The following ZNF438 variants were observed in gnomAD, a reference collection of about 807,000 sequenced individuals.
ZNF438 encodes the protein zinc finger protein 438.
Under a neutral mutation model 38.0 loss-of-function variants are expected in ZNF438, and 25 were observed. The observed-to-expected ratio is 0.66, with a 90% CI of 0.48 to 0.92. The LOEUF (loss-of-function observed/expected upper bound fraction) is 0.92. Ranked by LOEUF, ZNF438 falls within the 40% of genes least tolerant of loss-of-function variation. The pLI is 0.00. For missense variants in ZNF438, 1,007 were observed against 999.6 expected, an observed-to-expected ratio of 1.01 and a Z score of -0.10; for synonymous variants, 372 against 364.1, an observed-to-expected ratio of 1.02 and a Z score of -0.25.
At chr10:30,943,607 G>C (rs2047050118) in intron 1 of ZNF438, among the ~76,000 whole-genome samples, 1 of 152,172 alleles carries the variant, frequency 6.6e-6, no homozygotes, top group African/African-American at 2.4e-5. Flanking sequence ...ACAGATTATA[G>C]TCACATAGTG....
At chr10:30,965,447 C>T (rs1236368528) in intron 1 of ZNF438, among the ~76,000 whole-genome samples, 1 of 152,128 alleles carries the variant, frequency 6.6e-6, no homozygotes, top group African/African-American at 2.4e-5. Flanking sequence ...GAAAATAAAT[C>T]GTTCTACAAA....
At chr10:30,890,413 C>T (rs1322719375) in intron 3 of ZNF438, among the ~76,000 whole-genome samples, 1 of 152,088 alleles carries the variant, frequency 6.6e-6, no homozygotes, top group Admixed American at 6.5e-5. Context: ...TTTTTAATTC[C>T]CAGGTTCCAG....
intron 1 of ZNF438, among the ~76,000 whole-genome samples, chr10:31,014,968 C>T (rs572312927): frequency 2.6e-5 from 4 of 152,182 alleles, no homozygotes; most frequent in Admixed American, 2.0e-4. Context: ...AGTCATCCCC[C>T]CACTTCAGCC....
chr10:30,883,239 G>A (rs1016936544), intron 3 of ZNF438, among the ~76,000 whole-genome samples: 1 of 152,144 alleles, frequency 6.6e-6, no homozygotes, highest in Non-Finnish European at 1.5e-5. Flanking sequence ...GAAGTCTGAG[G>A]AAAGGGGTAT....
At chr10:30,883,694 ACCC>A (rs948946177) in intron 3 of ZNF438, among the ~76,000 whole-genome samples, 1 of 152,072 alleles carries the variant, frequency 6.6e-6, no homozygotes, top group Non-Finnish European at 1.5e-5. Flanking sequence ...ACACAGTGAA[ACCC>A]ATCTCTACAA....
intron 3 of ZNF438, among the ~76,000 whole-genome samples, chr10:30,885,037 A>G (rs1294869215): frequency 6.6e-6 from 1 of 152,232 alleles, no homozygotes; most frequent in East Asian, 1.9e-4. Context: ...TGTAGATGTC[A>G]ATCTAGATTA....
At chr10:30,972,002 C>CCCAG (rs2050793312) in intron 1 of ZNF438, among the ~76,000 whole-genome samples, 3 of 149,628 alleles carry the variant, frequency 2.0e-5, no homozygotes, top group African/African-American at 7.4e-5. Flanking sequence ...TGGAGTCTTG[C>CCCAG]TCTGTCACCC....
intron 3 of ZNF438, among the ~76,000 whole-genome samples, chr10:30,898,777 C>A (rs1488319566): frequency 6.6e-6 from 1 of 151,936 alleles, no homozygotes; most frequent in Non-Finnish European, 1.5e-5. Context: ...AATTTCCTGG[C>A]AAAATCAAAT....
At chr10:30,951,343 C>T (rs1040295690) in intron 1 of ZNF438, among the ~76,000 whole-genome samples, 13 of 149,158 alleles carry the variant, frequency 8.7e-5, no homozygotes, top group Non-Finnish European at 1.7e-4. Context: ...TGGCACAAGA[C>T]AGGGATGCCC....
intron 5 of ZNF438, among the ~76,000 whole-genome samples, chr10:30,846,922 T>C (rs1165595213): frequency 4.6e-5 from 7 of 152,134 alleles, no homozygotes; most frequent in Non-Finnish European, 1.0e-4. Context: ...TGTAACCTGG[T>C]TGGGTGTGCA....
intron 1 of ZNF438, among the ~76,000 whole-genome samples, chr10:30,983,206 G>A (rs917848478): frequency 3.3e-5 from 5 of 152,198 alleles, no homozygotes; most frequent in Admixed American, 6.5e-5. Context: ...AACCAAGTAC[G>A]AGGAGATGTC....
chr10:30,955,233 G>T (rs995664231), intron 1 of ZNF438, among the ~76,000 whole-genome samples: 1 of 152,152 alleles, frequency 6.6e-6, no homozygotes, highest in Non-Finnish European at 1.5e-5. Flanking sequence ...TCTTGGAGGT[G>T]GGTGAGTAAA....
At chr10:30,969,559 A>T (rs2050519851) in intron 1 of ZNF438, among the ~76,000 whole-genome samples, 1 of 152,216 alleles carries the variant, frequency 6.6e-6, no homozygotes, top group Non-Finnish European at 1.5e-5. Flanking sequence ...AATTTTAAAC[A>T]AACCCAGAAT....
intron 2 of ZNF438, among the ~76,000 whole-genome samples, chr10:30,930,522 G>A (rs146201263): frequency 0.081 from 12,330 of 152,056 alleles, 593 homozygotes; most frequent in Non-Finnish European, 0.11. Flanking sequence ...CTCCTCAAGC[G>A]TGGCCAGAGT....
chr10:30,855,242 G>A (rs1371163903), intron 4 of ZNF438, among the ~76,000 whole-genome samples: 2 of 152,178 alleles, frequency 1.3e-5, no homozygotes, highest in African/African-American at 2.4e-5. Context: ...CGAGAGCACC[G>A]ATCAGTGTGA....
At chr10:31,028,088 T>C (rs1007590029) in intron 1 of ZNF438, among the ~76,000 whole-genome samples, 1 of 151,802 alleles carries the variant, frequency 6.6e-6, no homozygotes, top group Admixed American at 6.6e-5. Context: ...CTATACGAGA[T>C]GTAATCTGCA....
At chr10:30,901,219 T>A (rs912147847) in intron 3 of ZNF438, among the ~76,000 whole-genome samples, 2 of 152,232 alleles carry the variant, frequency 1.3e-5, no homozygotes, top group Non-Finnish European at 2.9e-5. Flanking sequence ...TGTGCTGGCA[T>A]CCTAAATGCA....
chr10:30,948,930 C>T (rs2047795225), intron 1 of ZNF438, among the ~76,000 whole-genome samples: 1 of 152,020 alleles, frequency 6.6e-6, no homozygotes, highest in South Asian at 2.1e-4. Flanking sequence ...AGAAGAGCAA[C>T]TCCAAGACAC....
intron 1 of ZNF438, among the ~76,000 whole-genome samples, chr10:31,021,076 A>G (rs2056559591): frequency 9.4e-6 from 1 of 106,846 alleles, no homozygotes; most frequent in Admixed American, 1.1e-4. Flanking sequence ...TTTTTTTTTG[A>G]GACAGGCTCT....
Sources: gnomAD v4.1 joint callset for allele counts (sites outside exome capture counted in the v4.1 genomes callset) on GRCh38, gnomAD v4.1.1 for gene constraint, MANE v1.5 for transcripts, NCBI Gene and HGNC (gene_info 2026-07-23, HGNC 2026-07-21) for gene names.